The following MYO15B variants were observed in gnomAD, a reference collection of about 807,000 sequenced individuals.
The protein encoded by MYO15B is myosin XVB pseudogene.
Under a neutral mutation model 119.3 loss-of-function variants are expected in MYO15B, and 207 were observed. The ratio of observed to expected loss-of-function variants is 1.73; its 90% CI spans 1.55 to 1.95. The LOEUF (loss-of-function observed/expected upper bound fraction) is 1.95. Ranked by LOEUF, MYO15B falls within the 30% of genes most tolerant of loss-of-function variation. The pLI is 0.00. For synonymous variants in MYO15B, 966 were observed against 498.9 expected, an observed-to-expected ratio of 1.94 and a Z score of -12.48; for missense variants, 2,264 against 1,203.1, an observed-to-expected ratio of 1.88 and a Z score of -13.04.
At chr17:75,616,478 CGG>C in intron 38 of MYO15B, 32 bp downstream of exon 38, 1 of 672,810 alleles carries the variant, frequency 1.5e-6, no homozygotes, top group East Asian at 2.7e-5. Context: ...CCTGGGGCTC[CGG>C]TGGCTCTGCA....
rs748744773 is a variant in MYO15B at position 75,601,437 on chromosome 17, G to A, written c.3526-1G>A. On this transcript the variant is annotated splice_acceptor_variant, in intron 14 of 63. Transcript: ENST00000645453. LOFTEE classifies it high-confidence loss of function. ...AAGGGAGCTCATGGCTCCTCTCCTA[G>A]GCCACGGACCACACCTTCCTCCAGA... 5.3e-5 allele frequency: 37 copies of A among 702,972 alleles called. No individual in the cohort carries two copies. The highest frequency in any genetic ancestry group is 3.8e-4 in the African/African-American group (22 of 57,372). 43.5% of individuals were successfully genotyped at this position (702,972 alleles called of 1,614,324 possible).
At chr17:75,623,994 C>G (rs998371352) in exon 55 of MYO15B, 1 of 703,052 alleles carries the variant, frequency 1.4e-6, no homozygotes, top group Non-Finnish European at 2.6e-6. Flanking sequence ...TTCTCACAGG[C>G]TTCTTCCCCC....
exon 32 of MYO15B, chr17:75,614,784 A>G (rs778351510): frequency 2.6e-5 from 18 of 702,820 alleles, no homozygotes; most frequent in African/African-American, 2.3e-4. Flanking sequence ...GGAGGTCCAG[A>G]GGTCAGGGAG....
At chr17:75,611,826 T>C (rs1598845882) in intron 24 of MYO15B, 60 bp from the exon 25 acceptor site, 1 of 698,400 alleles carries the variant, frequency 1.4e-6, no homozygotes. Context: ...ATGGAGGTGG[T>C]CCCAGGGCCA....
chr17:75,620,254 CTA>C lies in MYO15B; in HGVS notation c.7454_7455del (p.Tyr2485CysfsTer10), dbSNP rs1424490329. On this transcript the variant is annotated frameshift_variant, in exon 48 of 64. Transcript: ENST00000645453. LOFTEE classifies it high-confidence loss of function. Reference sequence around the variant, plus strand: ...CGCCTGCTTGCCCACAGGACTCCGGCTATGTCATCGCCCTGCGCAGCTACATC... The same window carrying C: ...CGCCTGCTTGCCCACAGGACTCCGGCTGTCATCGCCCTGCGCAGCTACATC... 1 of 702,624 alleles carries C rather than the reference CTA, an allele frequency of 1.4e-6. No individual in the cohort carries two copies. Among genetic ancestry groups the C allele is most frequent in the East Asian group, 2.7e-5 (1 of 37,226 alleles). 43.5% of individuals were successfully genotyped at this position (702,624 alleles called of 1,614,324 possible). A position where few individuals can be genotyped will look rare whatever the true frequency, so the allele number is the denominator to read the frequency against.
chr17:75,617,007 G>A (rs1273844286), intron 40 of MYO15B, 46 bp downstream of exon 40: 1 of 700,894 alleles, frequency 1.4e-6, no homozygotes, highest in Admixed American at 2.0e-5. Flanking sequence ...CTGCTGCACT[G>A]GGGAGCTCAA....
chr17:75,623,027 G>T (rs1467311245), intron 53 of MYO15B, among the ~76,000 whole-genome samples: 1 of 148,558 alleles, frequency 6.7e-6, no homozygotes. Context: ...CAGCAGAGAT[G>T]AGTAAGAGAT....
Position 75,594,774 on chromosome 17 carries a change from G to A in MYO15B, c.3164+15G>A, listed in dbSNP as rs12602035. ...TTTGATGCCAGGTGGCCCTAGAGAC[G>A]GGTGAGAGTCAGAGCAGGGCCCGAG... On this transcript the variant is annotated intron_variant, in intron 11 of 63. Transcript: ENST00000645453. The A allele has an allele frequency of 2.1e-3, 1,447 of 703,020 alleles. 19 individuals carry two copies. The highest frequency in any genetic ancestry group is 0.016 in the East Asian group (587 of 37,290). The allele number at this position is 703,020 out of a possible 1,614,324, so 43.5% of individuals were successfully genotyped here. A position where few individuals can be genotyped will look rare whatever the true frequency, so the allele number is the denominator to read the frequency against.
intron 12 of MYO15B, 44 bp from the exon 13 acceptor site, chr17:75,596,416 A>G: frequency 1.4e-6 from 1 of 696,464 alleles, no homozygotes; most frequent in South Asian, 1.5e-5. Flanking sequence ...GGGTGGGGGG[A>G]GGGCACAGCC....
At chr17:75,594,364 A>C in intron 9 of MYO15B, 111 bp from the exon 10 acceptor site, 1 of 551,546 alleles carries the variant, frequency 1.8e-6, no homozygotes, top group Non-Finnish European at 3.2e-6. Flanking sequence ...CATGTGACAT[A>C]TCTCCCCTTT....
At chr17:75,605,541 T>C (rs1218899883) in exon 20 of MYO15B, 2 of 702,442 alleles carry the variant, frequency 2.8e-6, no homozygotes, top group Non-Finnish European at 5.2e-6. Flanking sequence ...GGAAGACCTC[T>C]CTGACCGGGA....
intron 50 of MYO15B, 32 bp from the exon 51 acceptor site, chr17:75,621,313 C>G: frequency 7.3e-6 from 5 of 686,702 alleles, no homozygotes; most frequent in Middle Eastern, 2.3e-4. Flanking sequence ...GAGGGCCAAA[C>G]AAGCTGGGCT....
At position 75,589,967 on chromosome 17, in the gene MYO15B, G is replaced by T; in HGVS notation, c.1910G>T (p.Trp637Leu). ...CTCAATGACGAGCCCCCGGTGCGCT[G>T]GGCGCAGGGCTCAGGCCCCCACGAG... Residue 637 changes from tryptophan to leucine, a missense_variant, in exon 1 of 64, where the codon TGG (tryptophan) becomes TTG (leucine). Transcript: ENST00000645453. The surrounding 1 kb of genome is among the most constrained non-coding windows in gnomAD (Gnocchi z 4.2). 1 of 398,712 alleles carries T rather than the reference G, an allele frequency of 2.5e-6. No homozygotes were observed. Among genetic ancestry groups the T allele is most frequent in the Non-Finnish European group, 4.4e-6 (1 of 225,980 alleles). 24.7% of individuals were successfully genotyped at this position (398,712 alleles called of 1,614,324 possible).
At chr17:75,619,358 G>C (rs1274427054) in exon 45 of MYO15B, 4 of 702,700 alleles carry the variant, frequency 5.7e-6, no homozygotes, top group Non-Finnish European at 1.0e-5. Context: ...CTGCCCACAG[G>C]AGGCTTGGAG....
At chr17:75,624,733 G>C (rs1027152469) in intron 58 of MYO15B, 38 bp from the exon 59 acceptor site, 2 of 702,472 alleles carry the variant, frequency 2.8e-6, no homozygotes, top group African/African-American at 3.5e-5. Flanking sequence ...CCGGGTGTGT[G>C]TGGTCTGAGC....
Position 75,614,382 on chromosome 17 carries a change from T to C in MYO15B, c.5381+22T>C. 3 of 699,692 alleles carry C rather than the reference T, an allele frequency of 4.3e-6. No individual in the cohort carries two copies. The Admixed American group carries it at 6.0e-5, about 14-fold the overall frequency. 43.3% of individuals were successfully genotyped at this position (699,692 alleles called of 1,614,324 possible). The stretch of plus-strand genomic sequence containing the variant: ...GCTCGTAGGTGCCACCCAGCACCCC[T>C]CTCCCTGGCCTGCTCCTGCCGGGGA... On this transcript the variant is annotated intron_variant, in intron 30 of 63. Coordinates refer to ENST00000645453, the Ensembl canonical transcript of MYO15B.
exon 64 of MYO15B, among the ~76,000 whole-genome samples, chr17:75,626,686 G>A (rs1454388770): frequency 2.0e-5 from 3 of 152,258 alleles, no homozygotes; most frequent in South Asian, 2.1e-4. Context: ...TCTCCAGGAC[G>A]GCCTGGGGCC....
rs559973997 is a variant in MYO15B, at chr17:75,623,848, C to A, written c.8150C>A (p.Pro2717His). 4.5e-4 allele frequency: 301 copies of A among 672,634 alleles called. 1 individual carries two copies. The Middle Eastern group carries it at 5.3e-3, about 12-fold the overall frequency. The allele number at this position is 672,634 out of a possible 1,614,324, so 41.7% of individuals were successfully genotyped here. A position where few individuals can be genotyped will look rare whatever the true frequency, so the allele number is the denominator to read the frequency against. ...GTTATCAAGCAGGTCACGGGACACC[C>A]CCGGCCGTGAGTGGGGACCGGTGGC... Residue 2717 changes from proline (P) to histidine (H), a missense_variant, in exon 54 of 64, where the codon CCC becomes CAC. Pro to His is a moderately conservative substitution (Grantham distance 77). Coordinates refer to ENST00000645453, the Ensembl canonical transcript of MYO15B.
At position 75,619,804 on chromosome 17, in the gene MYO15B, G is replaced by A. The variant is rs1051509054; in HGVS notation, c.7301+5G>A. On this transcript the variant is annotated splice_donor_5th_base_variant and intron_variant, in intron 46 of 63. Transcript: ENST00000645453. The stretch of plus-strand genomic sequence containing the variant: ...GAAGATTCTCTGCTCATACAGGTGC[G>A]CTAGCCCACGACCCTGGGCTAGAGG... 19 of 702,714 alleles carry A rather than the reference G, an allele frequency of 2.7e-5. No individual in the cohort carries two copies. The highest frequency in any genetic ancestry group is 3.6e-5 in the Non-Finnish European group (14 of 384,918). The allele number at this position is 702,714 out of a possible 1,614,324, so 43.5% of individuals were successfully genotyped here.
Sources: gnomAD v4.1 joint callset for allele counts (sites outside exome capture counted in the v4.1 genomes callset) on GRCh38, gnomAD v4.1.1 for gene constraint, Gnocchi (gnomAD v3.1) non-coding constraint, MANE v1.5 for transcripts, NCBI Gene and HGNC (gene_info 2026-07-23, HGNC 2026-07-21) for gene names.